The following GRID1 variants were observed in gnomAD, a reference collection of about 807,000 sequenced individuals.
The protein encoded by GRID1 is glutamate ionotropic receptor delta type subunit 1.
GRID1 carries 28 observed loss-of-function variants against 98.0 expected under a neutral mutation model. The ratio of observed to expected loss-of-function variants is 0.29; its 90% confidence interval spans 0.21 to 0.39. The LOEUF (loss-of-function observed/expected upper bound fraction) is 0.39. Among genes scored for constraint, GRID1 ranks in the 10% least tolerant of loss-of-function variants. The pLI is 1.00. For synonymous variants in GRID1, 553 were observed against 538.5 expected (o/e 1.03, Z -0.37); for missense variants, 1,111 against 1,340.5 (o/e 0.83, Z 2.67).
intron 3 of GRID1, among the ~76,000 whole-genome samples, chr10:86,182,506 T>C (rs954402577): frequency 2.0e-5 from 3 of 152,204 alleles, no homozygotes; most frequent in Non-Finnish European, 4.4e-5. Context: ...CACTGTTCCA[T>C]AACCGACACA....
chr10:85,613,666 G>A lies in GRID1; in HGVS notation c.2361-19C>T. On this transcript the variant is annotated intron_variant, in intron 14 of 15. Coordinates refer to ENST00000327946, the MANE Select transcript of GRID1 (RefSeq NM_017551.3). ...CAGGATCCTGTAAGACACAATCAAGGTGAGCTATAGCCACTGACGTCATCA... is the reference window on the plus strand; with the variant it reads ...CAGGATCCTGTAAGACACAATCAAGATGAGCTATAGCCACTGACGTCATCA... 6.2e-7 allele frequency: 1 copy of A among 1,607,842 alleles called. No individual in the cohort carries two copies. Among genetic ancestry groups the A allele is most frequent in the Non-Finnish European group, 8.5e-7 (1 of 1,175,546 alleles).
intron 4 of GRID1, among the ~76,000 whole-genome samples, chr10:85,956,865 C>T (rs1237237789): frequency 2.6e-5 from 4 of 152,166 alleles, no homozygotes; most frequent in African/African-American, 4.8e-5. Flanking sequence ...CTCACAGAAT[C>T]ACTGTGTATC....
At chr10:86,229,325 C>A (rs66738060) in intron 2 of GRID1, among the ~76,000 whole-genome samples, 43,192 of 152,040 alleles carry the variant, frequency 0.28, 6,983 homozygotes, top group Non-Finnish European at 0.38. Flanking sequence ...AAACACCAGG[C>A]AGCACTGCAA....
rs142270969 is a variant in GRID1 at position 85,775,985 on chromosome 10, A to AT, written c.1234-46372dup. On this transcript the variant is annotated intron_variant, in intron 8 of 15. Transcript: ENST00000327946. Reference sequence around the variant, plus strand: ...AATCAAAACAGATTTAACCTAATGAATTTTTTTAAATATATGTAACTGAGA... The same window carrying AT: ...AATCAAAACAGATTTAACCTAATGAATTTTTTTTAAATATATGTAACTGAGA... 3.0e-3 allele frequency among the ~76,000 whole-genome samples: 464 copies of AT among 152,190 alleles called. 3 individuals are homozygous for AT. The highest frequency in any genetic ancestry group is 0.011 in the African/African-American group (444 of 41,522).
At chr10:85,895,016 A>T (rs1917142) in intron 5 of GRID1, among the ~76,000 whole-genome samples, 15,537 of 96,236 alleles carry the variant, frequency 0.16, 1,289 homozygotes, top group South Asian at 0.23. Flanking sequence ...AAAAAAAAAA[A>T]ATATATATAT....
At chr10:85,692,665 A>AG (rs2132612101) in intron 12 of GRID1, among the ~76,000 whole-genome samples, 1 of 2,304 alleles carries the variant, frequency 4.3e-4, no homozygotes, top group Non-Finnish European at 1.3e-3. Flanking sequence ...AGACCCTGTT[A>AG]AAAAAAAAAA....
At chr10:85,690,151 T>C (rs1841316070) in intron 12 of GRID1, among the ~76,000 whole-genome samples, 1 of 152,194 alleles carries the variant, frequency 6.6e-6, no homozygotes, top group Non-Finnish European at 1.5e-5. Flanking sequence ...AATAATATGT[T>C]AAAATATAGT....
intron 3 of GRID1, among the ~76,000 whole-genome samples, chr10:86,178,809 A>G (rs1845614100): frequency 6.6e-6 from 1 of 152,094 alleles, no homozygotes; most frequent in African/African-American, 2.4e-5. Flanking sequence ...GAGACCATTT[A>G]GCCCAGAGAC....
intron 15 of GRID1, among the ~76,000 whole-genome samples, chr10:85,608,840 A>G (rs1239612148): frequency 6.6e-6 from 1 of 152,204 alleles, no homozygotes; most frequent in Non-Finnish European, 1.5e-5. Flanking sequence ...TTCTCACTGG[A>G]GGCCGTGGGC....
chr10:86,038,742 T>C (rs1242076578), intron 4 of GRID1, among the ~76,000 whole-genome samples: 1 of 152,252 alleles, frequency 6.6e-6, no homozygotes, highest in African/African-American at 2.4e-5. Context: ...TCCCATTGTG[T>C]CACTTCTCTT....
Position 85,941,201 on chromosome 10 carries a change from C to A in GRID1, c.727-24962G>T, listed in dbSNP as rs557621759. On this transcript the variant is annotated intron_variant, in intron 4 of 15. Transcript: ENST00000327946. ...GGGTGTCCTTGGGTAAGTTATTTAA[C>A]CTTTCTGACCCTCGTTTTCTCATCT... 2.6e-5 allele frequency among the ~76,000 whole-genome samples: 4 copies of A among 152,268 alleles called. No homozygotes were observed. In the East Asian group the frequency reaches 7.7e-4, roughly 29 times the overall value.
At chr10:86,348,376 A>G (rs1848417540) in intron 2 of GRID1, among the ~76,000 whole-genome samples, 1 of 152,220 alleles carries the variant, frequency 6.6e-6, no homozygotes, top group Non-Finnish European at 1.5e-5. Context: ...GCGGCCAGGA[A>G]AGGCCTCCTG....
At chr10:86,239,898 T>C (rs1846600030) in intron 2 of GRID1, among the ~76,000 whole-genome samples, 1 of 152,186 alleles carries the variant, frequency 6.6e-6, no homozygotes, top group Admixed American at 6.5e-5. Context: ...CTTATAGAAG[T>C]GATTAAATTA....
intron 13 of GRID1, among the ~76,000 whole-genome samples, chr10:85,629,428 C>T (rs1467159623): frequency 1.3e-5 from 2 of 149,316 alleles, no homozygotes; most frequent in Non-Finnish European, 3.0e-5. Context: ...ATTCCACACT[C>T]GATGTCCAGG....
At chr10:86,331,719 G>A (rs549079443) in intron 2 of GRID1, among the ~76,000 whole-genome samples, 59 of 152,258 alleles carry the variant, frequency 3.9e-4, no homozygotes, top group African/African-American at 1.4e-3. Flanking sequence ...TGGTCCCTGG[G>A]GCAGGTACCA....
chr10:86,202,196 G>A (rs1333472992), intron 3 of GRID1, among the ~76,000 whole-genome samples: 1 of 152,226 alleles, frequency 6.6e-6, no homozygotes, highest in Non-Finnish European at 1.5e-5. Context: ...CTGGGCCCCT[G>A]GGGCCTAACT....
Position 86,206,721 on chromosome 10 carries a change from C to A in GRID1, c.236-73G>T. ...CTGCACCAGCTTCAACCTGCAGGCC[C>A]CATGCCTGGCAGCTCATGCCCAGGA... On this transcript the variant is annotated intron_variant, in intron 2 of 15. Coordinates refer to ENST00000327946, the MANE Select transcript of GRID1 (RefSeq NM_017551.3). This position sits in a 1 kb window ranked among gnomAD's most constrained non-coding sequence, Gnocchi z 4.1. 7.1e-7 allele frequency: 1 copy of A among 1,403,200 alleles called. No homozygotes were observed. Among genetic ancestry groups the A allele is most frequent in the Non-Finnish European group, 9.8e-7 (1 of 1,022,726 alleles). 86.9% of individuals were successfully genotyped at this position (1,403,200 alleles called of 1,614,324 possible). A position where few individuals can be genotyped will look rare whatever the true frequency, so the allele number is the denominator to read the frequency against.
intron 13 of GRID1, among the ~76,000 whole-genome samples, chr10:85,638,472 A>AT (rs943112277): frequency 6.6e-6 from 1 of 152,302 alleles, no homozygotes; most frequent in East Asian, 1.9e-4. Flanking sequence ...AATAATCAAG[A>AT]TTTTTTTATT....
At chr10:85,776,647 C>T (rs140611556) in intron 8 of GRID1, among the ~76,000 whole-genome samples, 180 of 152,290 alleles carry the variant, frequency 1.2e-3, no homozygotes, top group African/African-American at 3.8e-3. Flanking sequence ...GCGCAGCGAC[C>T]GCAGCCCTAA....
Sources: allele counts gnomAD v4.1 joint callset (sites outside exome capture counted in the v4.1 genomes callset), GRCh38; gene constraint gnomAD v4.1.1; non-coding constraint Gnocchi (gnomAD v3.1); transcripts MANE v1.5; gene names NCBI Gene and HGNC (gene_info 2026-07-23, HGNC 2026-07-21).